TAF3: variants seen among roughly 807,000 people sequenced by gnomAD.
TAF3 encodes the protein transcription initiation factor TFIID subunit 3.
A neutral mutation model predicts 80.6 loss-of-function variants in TAF3; 7 were observed. The ratio of observed to expected loss-of-function variants is 0.09; its 90% confidence interval spans 0.05 to 0.16. The LOEUF (loss-of-function observed/expected upper bound fraction) is 0.16. TAF3 is among the 10% of genes least tolerant of loss of function. The pLI, the probability that TAF3 is intolerant of heterozygous loss-of-function variation, is 1.00. For missense variants in TAF3, 921 were observed against 1,140.2 expected, an observed-to-expected ratio of 0.81 and a Z score of 2.77; for synonymous variants, 444 against 446.1, an observed-to-expected ratio of 1.00 and a Z score of 0.06.
chr10:7,965,726 A>G lies in TAF3; in HGVS notation c.2216A>G (p.Lys739Arg). 1 of 1,538,530 alleles carries G rather than the reference A, an allele frequency of 6.5e-7. No individual in the cohort carries two copies. ...GAGAAGAGAGAAAAAGAGAAGGAGA[A>G]ACACAAGCATGAAAAAGTAAGCAGT... The part of the protein sequence containing the change: ...EREKREKEKE[K>R]HKHEKIKVEP... Residue 739 changes from lysine (K) to arginine (R), a missense_variant, in exon 3 of 7, where the codon AAA becomes AGA. Transcript: ENST00000344293.
At chr10:7,996,942 C>A (rs973168559) in intron 4 of TAF3, among the ~76,000 whole-genome samples, 7 of 151,642 alleles carry the variant, frequency 4.6e-5, no homozygotes, top group African/African-American at 1.5e-4. Context: ...AGTCTGCCTG[C>A]CTCAGCCTCC....
intron 2 of TAF3, among the ~76,000 whole-genome samples, chr10:7,948,998 G>T (rs904477723): frequency 1.3e-5 from 2 of 152,228 alleles, no homozygotes; most frequent in Admixed American, 1.3e-4. Context: ...CTGGGCGGGT[G>T]GGGAGCAAGA....
intron 2 of TAF3, among the ~76,000 whole-genome samples, chr10:7,923,895 A>G (rs1249844695): frequency 1.3e-5 from 2 of 152,340 alleles, no homozygotes; most frequent in South Asian, 2.1e-4. Context: ...TTTGATATGA[A>G]GTTATAATGG....
In TAF3 at chr10:8,009,329, T is replaced by C. The variant is rs1159186635; in HGVS notation, c.2567T>C (p.Val856Ala). 6.3e-7 allele frequency: 1 copy of C among 1,591,070 alleles called. No individual in the cohort carries two copies. Among genetic ancestry groups the C allele is most frequent in the South Asian group, 1.1e-5 (1 of 89,358 alleles). ...SVVTETVSTY[V>A]IRDEWGNQIW... ...GTGACTGAGACGGTCAGCACCTACG[T>C]GGTGCGTACCTGCCGCCCGCGCGGT... Residue 856 changes from valine (V) to alanine (A), a missense_variant and splice_region_variant, in exon 5 of 7, where the codon GTG becomes GCG. By Grantham distance (64) the Val-to-Ala change is moderately conservative. This residue lies in a region of TAF3 where 27 missense variants were observed against 42.5 expected (regional missense o/e 0.64). Transcript: ENST00000344293. The surrounding 1 kb of genome is among the most constrained non-coding windows in gnomAD (Gnocchi z 4.1).
At chr10:7,982,925 T>C (rs2131423230) in intron 4 of TAF3, among the ~76,000 whole-genome samples, 1 of 152,308 alleles carries the variant, frequency 6.6e-6, no homozygotes, top group East Asian at 1.9e-4. Context: ...AAGCACCTCT[T>C]CATCTCTAGT....
chr10:7,969,891 C>G (rs1253429461), intron 3 of TAF3, among the ~76,000 whole-genome samples: 1 of 152,224 alleles, frequency 6.6e-6, no homozygotes, highest in Non-Finnish European at 1.5e-5. Flanking sequence ...CGCAGACCCT[C>G]TGCTTCCTTC....
chr10:7,837,658 T>G (rs1260767474), intron 2 of TAF3, among the ~76,000 whole-genome samples: 1 of 151,524 alleles, frequency 6.6e-6, no homozygotes, highest in Non-Finnish European at 1.5e-5. Flanking sequence ...AAATAAAAAA[T>G]AAAACAATTA....
intron 2 of TAF3, among the ~76,000 whole-genome samples, chr10:7,873,617 TCCC>T (rs76357762): frequency 4.3e-5 from 4 of 92,874 alleles, no homozygotes; most frequent in South Asian, 3.6e-4. Flanking sequence ...ATCCGAGTTC[TCCC>T]CCCCCCCCCG....
At chr10:7,829,315 T>G (rs1281707032) in intron 2 of TAF3, among the ~76,000 whole-genome samples, 6 of 152,180 alleles carry the variant, frequency 3.9e-5, no homozygotes, top group Non-Finnish European at 8.8e-5. Flanking sequence ...TGAACAATAT[T>G]GACATGTTAT....
intron 2 of TAF3, among the ~76,000 whole-genome samples, chr10:7,856,645 A>T (rs1037964612): frequency 2.8e-4 from 42 of 152,312 alleles, no homozygotes; most frequent in African/African-American, 9.6e-4. Flanking sequence ...TGTTGCCTTG[A>T]ATTTATTTCC....
At chr10:7,954,929 A>G (rs1434305322) in intron 2 of TAF3, among the ~76,000 whole-genome samples, 2 of 143,932 alleles carry the variant, frequency 1.4e-5, no homozygotes, top group African/African-American at 5.0e-5. Context: ...AGTGCACTCC[A>G]TAGGCGAATG....
chr10:7,926,227 C>T (rs1472533683), intron 2 of TAF3, among the ~76,000 whole-genome samples: 2 of 151,774 alleles, frequency 1.3e-5, no homozygotes, highest in East Asian at 1.9e-4. Flanking sequence ...TTACTTTCTC[C>T]CTCAGTGGGT....
chr10:7,949,946 A>G (rs932007244), intron 2 of TAF3, among the ~76,000 whole-genome samples: 3 of 152,242 alleles, frequency 2.0e-5, no homozygotes, highest in African/African-American at 7.2e-5. Context: ...GTTAGAAAAG[A>G]TGGCCCAATT....
intron 2 of TAF3, among the ~76,000 whole-genome samples, chr10:7,889,449 A>G (rs1837439188): frequency 6.6e-6 from 1 of 152,216 alleles, no homozygotes; most frequent in South Asian, 2.1e-4. Context: ...ACAGATGAGG[A>G]AGCAGAGGCA....
intron 4 of TAF3, among the ~76,000 whole-genome samples, chr10:7,984,359 A>C (rs2131424083): frequency 6.6e-6 from 1 of 152,354 alleles, no homozygotes; most frequent in East Asian, 1.9e-4. Flanking sequence ...CAGTAAAACA[A>C]GTGGAGAGAT....
intron 4 of TAF3, among the ~76,000 whole-genome samples, chr10:7,983,464 G>T (rs759265695): frequency 2.0e-5 from 3 of 152,174 alleles, no homozygotes; most frequent in Non-Finnish European, 4.4e-5. Flanking sequence ...TAGATGTAAC[G>T]TTTGGGAACA....
At chr10:7,914,932 CTTTTTTTT>C (rs869094036) in intron 2 of TAF3, among the ~76,000 whole-genome samples, 5 of 84,966 alleles carry the variant, frequency 5.9e-5, no homozygotes, top group Admixed American at 2.7e-4. Context: ...TGCTCCCAGC[CTTTTTTTT>C]TTTTTTTTTT....
At chr10:7,871,147 CAT>C (rs1837261420) in intron 2 of TAF3, among the ~76,000 whole-genome samples, 1 of 152,058 alleles carries the variant, frequency 6.6e-6, no homozygotes, top group African/African-American at 2.4e-5. Flanking sequence ...AGTTTCCTAT[CAT>C]ACAATATAAA....
At chr10:7,944,978 GTC>G (rs1327758495) in intron 2 of TAF3, among the ~76,000 whole-genome samples, 1 of 152,140 alleles carries the variant, frequency 6.6e-6, no homozygotes. Context: ...ATATATATTA[GTC>G]TCTACCTAGA....
Sources: gnomAD v4.1 joint callset for allele counts (sites outside exome capture counted in the v4.1 genomes callset) on GRCh38, gnomAD v4.1.1 for gene constraint, gnomAD v4.1.1 regional missense constraint, Gnocchi (gnomAD v3.1) non-coding constraint, MANE v1.5 for transcripts, NCBI Gene and HGNC (gene_info 2026-07-23, HGNC 2026-07-21) for gene names.